Variants in SGK3 observed in about 807,000 individuals in gnomAD.
The protein encoded by SGK3 is serine/threonine-protein kinase Sgk3.
Under a neutral mutation model 68.5 loss-of-function variants are expected in SGK3, and 47 were observed. The ratio of observed to expected loss-of-function variants is 0.69; its 90% CI spans 0.54 to 0.87. The LOEUF (loss-of-function observed/expected upper bound fraction) is 0.87. Ranked by LOEUF, SGK3 falls within the 40% of genes least tolerant of loss-of-function variation. The pLI, the probability that SGK3 is intolerant of heterozygous loss-of-function variation, is 0.00. For missense variants in SGK3, 479 were observed against 575.5 expected (o/e 0.83, Z 1.72); for synonymous variants, 181 against 189.1 (o/e 0.96, Z 0.35).
intron 1 of SGK3, among the ~76,000 whole-genome samples, chr8:66,778,770 T>C (rs1037599879): frequency 3.3e-5 from 5 of 152,300 alleles, no homozygotes; most frequent in African/African-American, 1.2e-4. Context: ...TCTGGATTTA[T>C]AGAGGGGAGT....
In SGK3 at chr8:66,825,870, C is replaced by T. The variant is rs185088616; in HGVS notation, c.418-2784C>T. Among the ~76,000 whole-genome samples the T allele has an allele frequency of 4.7e-3, 722 of 152,284 alleles. 5 individuals are homozygous for T. The highest frequency in any genetic ancestry group is 0.02 in the Middle Eastern group (6 of 294). ...TTTTCATCATTTCAGAAATGTGCTC[C>T]ATTAGGGGAATCCTTGCCTAAATAA... On this transcript the variant is annotated intron_variant, in intron 6 of 16. Coordinates refer to ENST00000521198, the MANE Select transcript of SGK3 (RefSeq NM_001033578.3).
chr8:66,744,820 A>G (rs1404977135), intron 1 of SGK3, among the ~76,000 whole-genome samples: 1 of 140,268 alleles, frequency 7.1e-6, no homozygotes, highest in African/African-American at 2.7e-5. Flanking sequence ...TTTTTTTTCT[A>G]GATTTTTGAT....
At chr8:66,729,018 G>C (rs1805060754) in intron 1 of SGK3, among the ~76,000 whole-genome samples, 2 of 151,690 alleles carry the variant, frequency 1.3e-5, no homozygotes, top group Admixed American at 6.6e-5. Context: ...AGGAGATGGA[G>C]ACCATCCTGG....
Position 66,813,891 on chromosome 8 carries a change from A to G in SGK3, c.292A>G (p.Ile98Val). Residue 98 changes from isoleucine (I) to valine (V), a missense_variant, in exon 5 of 17, where the codon ATT becomes GTT. Around this residue, in one of 3 missense-constraint regions of SGK3, gnomAD observed 298 missense variants for 329.4 expected, o/e 0.90. Transcript: ENST00000521198. ...AAGACGAGCAGGACTAAACGAATTC[A>G]TTCAGAACCTAGTTAGGTATCCAGA... is the stretch of plus-strand genomic sequence containing the variant. ...KQRRAGLNEF[I>V]QNLVRYPELY... 2 of 1,597,838 alleles carry G rather than the reference A, an allele frequency of 1.3e-6. No individual in the cohort carries two copies. Among genetic ancestry groups the G allele is most frequent in the Non-Finnish European group, 1.7e-6 (2 of 1,173,028 alleles).
intron 1 of SGK3, among the ~76,000 whole-genome samples, chr8:66,758,266 A>C (rs2130452199): frequency 6.6e-6 from 1 of 152,040 alleles, no homozygotes; most frequent in African/African-American, 2.4e-5. Flanking sequence ...AGACATGAGA[A>C]TAGCTTGAAC....
At chr8:66,837,597 A>T (rs939112245) in intron 10 of SGK3, among the ~76,000 whole-genome samples, 1 of 152,122 alleles carries the variant, frequency 6.6e-6, no homozygotes, top group Admixed American at 6.6e-5. Flanking sequence ...CCTGGGCAAC[A>T]TGGCGAAACC....
intron 1 of SGK3, among the ~76,000 whole-genome samples, chr8:66,753,682 G>A (rs970691624): frequency 3.3e-5 from 5 of 152,054 alleles, no homozygotes; most frequent in Admixed American, 1.3e-4. Context: ...AAATTAGCTG[G>A]GCGTGGTGGT....
chr8:66,728,311 A>T (rs1245255521), intron 1 of SGK3, among the ~76,000 whole-genome samples: 2 of 150,718 alleles, frequency 1.3e-5, no homozygotes, highest in African/African-American at 4.9e-5. Context: ...ATGTTGTAGC[A>T]TGTGGTACTT....
intron 1 of SGK3, among the ~76,000 whole-genome samples, chr8:66,788,114 A>G (rs999291335): frequency 2.6e-5 from 4 of 152,140 alleles, no homozygotes; most frequent in Non-Finnish European, 5.9e-5. Context: ...GATCCTCCCT[A>G]TGAGGCCTTA....
intron 5 of SGK3, among the ~76,000 whole-genome samples, chr8:66,821,857 A>C (rs1007408995): frequency 1.3e-5 from 2 of 151,920 alleles, no homozygotes; most frequent in African/African-American, 4.8e-5. Flanking sequence ...GGTTTACCCC[A>C]AAAATTAGAA....
chr8:66,808,139 G>A (rs1585746588), intron 4 of SGK3, among the ~76,000 whole-genome samples: 1 of 152,106 alleles, frequency 6.6e-6, no homozygotes. Flanking sequence ...AGGCAAAAGG[G>A]GTGGAAGTTA....
chr8:66,844,053 A>C (rs1018891916), intron 14 of SGK3, among the ~76,000 whole-genome samples: 2 of 151,284 alleles, frequency 1.3e-5, no homozygotes, highest in Non-Finnish European at 2.9e-5. Context: ...TTTTAAATTA[A>C]TATAATTGTT....
In SGK3 at chr8:66,846,457, G is replaced by C. The variant is rs145451983; in HGVS notation, c.1075-736G>C. 9.0e-3 allele frequency among the ~76,000 whole-genome samples: 1,366 copies of C among 152,148 alleles called. 9 individuals are homozygous for C. The highest frequency in any genetic ancestry group is 0.016 in the Non-Finnish European group (1,058 of 67,996). ...AGTCTCCTGAGTAGATGAGACTACT[G>C]GCGTACACCACCATGCCCAGCTGGT... On this transcript the variant is annotated intron_variant, in intron 14 of 16. Transcript: ENST00000521198.
intron 1 of SGK3, among the ~76,000 whole-genome samples, chr8:66,717,527 C>CA (rs34100199): frequency 9.4e-5 from 14 of 149,194 alleles, no homozygotes; most frequent in Middle Eastern, 3.5e-3. Flanking sequence ...GACTCCTTCT[C>CA]AAAAAAAAAG....
chr8:66,856,260 G>C (rs538975941), intron 16 of SGK3, among the ~76,000 whole-genome samples: 51 of 152,148 alleles, frequency 3.4e-4, no homozygotes, highest in African/African-American at 9.6e-4. Context: ...GTAGAGATGG[G>C]GTTCCATCGT....
intron 14 of SGK3, among the ~76,000 whole-genome samples, chr8:66,844,550 T>G (rs1809930265): frequency 6.6e-6 from 1 of 152,142 alleles, no homozygotes; most frequent in Non-Finnish European, 1.5e-5. Flanking sequence ...TTTATAAGAG[T>G]ACATGTATGT....
intron 3 of SGK3, among the ~76,000 whole-genome samples, chr8:66,801,244 T>G (rs543630727): frequency 4.6e-4 from 70 of 152,320 alleles, no homozygotes; most frequent in African/African-American, 1.6e-3. Flanking sequence ...GCATTTCCTT[T>G]GAGCACTCAA....
Position 66,831,311 on chromosome 8 carries a change from G to T in SGK3, c.525G>T (p.Lys175Asn). The change falls in exon 8 of 17, where the codon AAG (lysine) becomes AAT (asparagine). Residue 175 changes from lysine to asparagine, a missense_variant and splice_region_variant. By Grantham distance (94) the Lys-to-Asn change is moderately conservative. Transcript: ENST00000521198. ...LKVIGKGSFG[K>N]VLLAKRKLDG... ...TTATTGGAAAAGGCAGCTTTGGCAAGGTAAGAGTGTTTTGTGAGGTTTTTA... is the reference window on the plus strand; with the variant it reads ...TTATTGGAAAAGGCAGCTTTGGCAATGTAAGAGTGTTTTGTGAGGTTTTTA... 6.2e-7 allele frequency: 1 copy of T among 1,613,914 alleles called. No individual in the cohort carries two copies. Among genetic ancestry groups the T allele is most frequent in the Non-Finnish European group, 8.5e-7 (1 of 1,179,914 alleles).
chr8:66,842,575 A>C (rs1809841614), intron 13 of SGK3, among the ~76,000 whole-genome samples: 2 of 152,192 alleles, frequency 1.3e-5, no homozygotes, highest in African/African-American at 4.8e-5. Flanking sequence ...ATATTTTGGA[A>C]TGTAAAATTC....
Sources: allele counts gnomAD v4.1 joint callset (sites outside exome capture counted in the v4.1 genomes callset), GRCh38; gene constraint gnomAD v4.1.1; regional missense constraint gnomAD v4.1.1; transcripts MANE v1.5; gene names NCBI Gene and HGNC (gene_info 2026-07-23, HGNC 2026-07-21).